Variants in ADH6 observed in about 807,000 individuals in gnomAD.
ADH6 encodes alcohol dehydrogenase 6 (class V).
A neutral mutation model predicts 36.5 loss-of-function variants in ADH6; 34 were observed. That is an observed-to-expected ratio of 0.93 (90% confidence interval 0.71 to 1.24). ADH6 has a LOEUF of 1.24. Among genes scored for constraint, ADH6 ranks in the 50% most tolerant of loss-of-function variants. The pLI, the probability that ADH6 is intolerant of heterozygous loss-of-function variation, is 0.00. For missense variants in ADH6, 440 were observed against 447.0 expected (o/e 0.98, Z 0.14); for synonymous variants, 161 against 155.5 (o/e 1.04, Z -0.26).
intron 1 of ADH6, among the ~76,000 whole-genome samples, chr4:99,218,752 T>C (rs1443284500): frequency 6.6e-6 from 1 of 152,238 alleles, no homozygotes; most frequent in East Asian, 1.9e-4. Flanking sequence ...CCCTTCGGTA[T>C]CACCTCTGGG....
chr4:99,204,409 G>A (rs917013043), intron 8 of ADH6, 166 bp from the exon 9 acceptor site: 3 of 1,412,914 alleles, frequency 2.1e-6, no homozygotes, highest in Non-Finnish European at 2.7e-6. Context: ...AAAATGACAT[G>A]AAACTCCAAG....
intron 2 of ADH6, among the ~76,000 whole-genome samples, chr4:99,215,194 C>G (rs1213254562): frequency 6.6e-6 from 1 of 152,144 alleles, no homozygotes; most frequent in Non-Finnish European, 1.5e-5. Context: ...AACCCAATAG[C>G]CCACTGCTTA....
Position 99,213,605 on chromosome 4 carries a change from CCTG to C in ADH6, c.260_262del (p.Pro87_Gly88delinsArg), listed in dbSNP as rs1450661692. On this transcript the variant is annotated inframe_deletion and splice_region_variant, in exon 3 of 9. Coordinates refer to ENST00000394899, the MANE Select transcript of ADH6 (RefSeq NM_001102470.2). ...TCCTATTACCAGGTGCTAATTCCTA[CCTG>C]GTTTCACTGTGCTTACTCCTTCTCC... 1 of 1,598,592 alleles carries C rather than the reference CCTG, an allele frequency of 6.3e-7. No individual in the cohort carries two copies. The highest frequency in any genetic ancestry group is 8.5e-7 in the Non-Finnish European group (1 of 1,175,144).
intron 2 of ADH6, 60 bp from the exon 3 acceptor site, chr4:99,213,807 T>C: frequency 7.0e-7 from 1 of 1,424,082 alleles, no homozygotes. Flanking sequence ...TGTTTTAGAG[T>C]TGTTGACTGT....
At chr4:99,206,778 C>T (rs753295600) in intron 7 of ADH6, among the ~76,000 whole-genome samples, 132 of 151,934 alleles carry the variant, frequency 8.7e-4, no homozygotes, top group Non-Finnish European at 1.8e-3. Context: ...TACATTTCTT[C>T]GTAAATTTCA....
At chr4:99,218,485 C>T (rs1487107746) in intron 1 of ADH6, among the ~76,000 whole-genome samples, 2 of 152,138 alleles carry the variant, frequency 1.3e-5, no homozygotes, top group Non-Finnish European at 2.9e-5. Context: ...CTAATCACAC[C>T]AATCTCCTAT....
rs1730914662 is a variant in ADH6 at position 99,203,202 on chromosome 4, C to G, written c.*1017G>C. ...CAGAGCTAGGGGAGTCCAGCTGGAG[C>G]AGAAGAGTCTGCAACTAGGAAGGGA... is the stretch of plus-strand genomic sequence containing the variant. On this transcript the variant is annotated 3_prime_UTR_variant, in exon 9 of 9. Transcript: ENST00000394899. 6.3e-6 allele frequency: 1 copy of G among 159,902 alleles called. No homozygotes were observed. Among genetic ancestry groups the G allele is most frequent in the African/African-American group, 2.4e-5 (1 of 41,688 alleles). The allele number at this position is 159,902 out of a possible 1,614,324, so 9.9% of individuals were successfully genotyped here.
In ADH6 at chr4:99,210,162, C is replaced by T; in HGVS notation, c.487G>A (p.Ala163Thr). The T allele has an allele frequency of 6.2e-7, 1 of 1,613,812 alleles. No homozygotes were observed. Among genetic ancestry groups the T allele is most frequent in the Non-Finnish European group, 8.5e-7 (1 of 1,179,806 alleles). ...CATACTTTCTCTAGAGGAGCGACTG[C>T]ATCAATCTTGGCAACTGAGATTTCC... is the stretch of plus-strand genomic sequence containing the variant. ...IKEISVAKID[A>T]VAPLEKVCLI... The change falls in exon 5 of 9, where the codon GCA (alanine) becomes ACA (threonine). Residue 163 changes from alanine (A) to threonine (T), a missense_variant. Physicochemically the swap from Ala to Thr is moderately conservative, Grantham distance 58. Coordinates refer to ENST00000394899, the MANE Select transcript of ADH6 (RefSeq NM_001102470.2).
Position 99,204,976 on chromosome 4 carries a change from A to C in ADH6, c.1052T>G (p.Leu351Arg). 2.5e-6 allele frequency: 4 copies of C among 1,609,590 alleles called. No individual in the cohort carries two copies. The highest frequency in any genetic ancestry group is 1.1e-5 in the South Asian group (1 of 90,348). The change falls in exon 8 of 9, where the codon CTG (leucine) becomes CGG (arginine). Residue 351 changes from leucine to arginine, a missense_variant. Physicochemically the swap from Leu to Arg is moderately radical, Grantham distance 102 (BLOSUM62 -2). Coordinates refer to ENST00000394899, the MANE Select transcript of ADH6 (RefSeq NM_001102470.2). ...LNLDPLITHT[L>R]NLDKINEAVE... Reference sequence around the variant, plus strand: ...TGCTTCATTGATTTTATCAAGATTCAGAGTATGAGTAATTAGTGGATCTAG... The same window carrying C: ...TGCTTCATTGATTTTATCAAGATTCCGAGTATGAGTAATTAGTGGATCTAG...
At chr4:99,218,530 A>G (rs1731529406) in intron 1 of ADH6, among the ~76,000 whole-genome samples, 1 of 152,122 alleles carries the variant, frequency 6.6e-6, no homozygotes, top group South Asian at 2.1e-4. Context: ...GCTTACCTGG[A>G]TCCGCTGACA....
intron 3 of ADH6, among the ~76,000 whole-genome samples, chr4:99,211,274 C>T (rs1451696580): frequency 6.6e-6 from 1 of 152,088 alleles, no homozygotes; most frequent in Admixed American, 6.6e-5. Flanking sequence ...CCAGTAACCA[C>T]GATATTTTTC....
Position 99,210,303 on chromosome 4 carries a change from TA to T in ADH6, c.351-6del, listed in dbSNP as rs755633366. The stretch of plus-strand genomic sequence containing the variant: ...ATCAGTTGGGTTTTTGACTGTCTTT[TA>T]TAGACAAAACAAAAAACAAAACACA... On this transcript the variant is annotated splice_region_variant and splice_polypyrimidine_tract_variant and intron_variant, in intron 4 of 8. Transcript: ENST00000394899. 6.2e-7 allele frequency: 1 copy of T among 1,611,136 alleles called. No individual in the cohort carries two copies. The highest frequency in any genetic ancestry group is 2.2e-5 in the East Asian group (1 of 44,840).
At chr4:99,205,463 A>G (rs930187647) in intron 7 of ADH6, among the ~76,000 whole-genome samples, 1 of 152,046 alleles carries the variant, frequency 6.6e-6, no homozygotes, top group Non-Finnish European at 1.5e-5. Flanking sequence ...CCTCATGTGT[A>G]TGTTTTGATC....
At position 99,204,137 on chromosome 4, in the gene ADH6, ATTC is replaced by A; in HGVS notation, c.*79_*81del. 6.7e-7 allele frequency: 1 copy of A among 1,492,248 alleles called. No homozygotes were observed. The highest frequency in any genetic ancestry group is 9.1e-7 in the Non-Finnish European group (1 of 1,098,598). 92.4% of individuals were successfully genotyped at this position (1,492,248 alleles called of 1,614,324 possible). On this transcript the variant is annotated 3_prime_UTR_variant, in exon 9 of 9. Transcript: ENST00000394899. ...ATATAGAAATGGGATTGGGTGAATA[ATTC>A]TTCTAAATCATGAAAATTACATCAA...
chr4:99,205,086 A>G (rs1165562565), intron 7 of ADH6, 23 bp from the exon 8 acceptor site: 2 of 1,545,022 alleles, frequency 1.3e-6, no homozygotes, highest in Non-Finnish European at 1.7e-6. Context: ...ATTAATGATG[A>G]ATTTTACACA....
intron 7 of ADH6, among the ~76,000 whole-genome samples, chr4:99,205,391 G>A (rs561342772): frequency 6.6e-6 from 1 of 152,192 alleles, no homozygotes; most frequent in East Asian, 1.9e-4. Flanking sequence ...CCAAGGTCTT[G>A]GGAATCATGG....
At chr4:99,213,440 T>C (rs1731295494) in intron 3 of ADH6, among the ~76,000 whole-genome samples, 166 bp downstream of exon 3, 1 of 152,228 alleles carries the variant, frequency 6.6e-6, no homozygotes, top group South Asian at 2.1e-4. Context: ...ACAATATATT[T>C]AGTATTTTAT....
At chr4:99,205,375 C>T (rs1360977233) in intron 7 of ADH6, among the ~76,000 whole-genome samples, 3 of 152,040 alleles carry the variant, frequency 2.0e-5, no homozygotes, top group Non-Finnish European at 4.4e-5. Context: ...TAATGTATAA[C>T]AAAGGCCAAG....
chr4:99,213,462 G>A lies in ADH6; in HGVS notation c.262+144C>T, dbSNP rs28720144. On this transcript the variant is annotated intron_variant, in intron 3 of 8. Coordinates refer to ENST00000394899, the MANE Select transcript of ADH6 (RefSeq NM_001102470.2). ...ATTTAGTATTTTATGTAACTTACAA[G>A]TAATTTATCCCTACTTTTCTAAGAA... 978 of 666,150 alleles carry A rather than the reference G, an allele frequency of 1.5e-3. 8 individuals are homozygous for A. The highest frequency in any genetic ancestry group is 6.9e-3 in the Admixed American group (190 of 27,488). The allele number at this position is 666,150 out of a possible 1,614,324, so 41.3% of individuals were successfully genotyped here. A position where few individuals can be genotyped will look rare whatever the true frequency, so the allele number is the denominator to read the frequency against.
Sources: allele counts gnomAD v4.1 joint callset (sites outside exome capture counted in the v4.1 genomes callset), GRCh38; gene constraint gnomAD v4.1.1; transcripts MANE v1.5; gene names NCBI Gene and HGNC (gene_info 2026-07-23, HGNC 2026-07-21).